CMIP: variants seen among roughly 807,000 people sequenced by gnomAD.
CMIP encodes the protein C-Maf-inducing protein.
In CMIP, 13 loss-of-function variants were observed where a neutral mutation model predicts 97.3. The observed-to-expected ratio is 0.13, with a 90% CI of 0.09 to 0.21. CMIP has a LOEUF of 0.21. Ranked by LOEUF, CMIP falls within the 10% of genes least tolerant of loss-of-function variation. CMIP has a pLI of 1.00. For missense variants in CMIP, 847 were observed against 1,024.9 expected, an observed-to-expected ratio of 0.83 and a Z score of 2.37; for synonymous variants, 538 against 436.3, an observed-to-expected ratio of 1.23 and a Z score of -2.91.
chr16:81,649,787 T>C (rs2092406495), intron 3 of CMIP, among the ~76,000 whole-genome samples: 1 of 147,688 alleles, frequency 6.8e-6, no homozygotes, highest in Non-Finnish European at 1.5e-5. Flanking sequence ...TGTGGTTTGC[T>C]TTGGGGCTTG....
At chr16:81,469,243 C>G (rs977548810) in intron 1 of CMIP, among the ~76,000 whole-genome samples, 4 of 152,194 alleles carry the variant, frequency 2.6e-5, no homozygotes, top group African/African-American at 9.7e-5. Flanking sequence ...AGAATTGTCA[C>G]GTATAGGAAA....
chr16:81,573,742 T>C (rs908319013), intron 1 of CMIP, among the ~76,000 whole-genome samples: 1 of 152,194 alleles, frequency 6.6e-6, no homozygotes, highest in Non-Finnish European at 1.5e-5. Context: ...AAAATGGGCC[T>C]TGTTGTCATT....
chr16:81,476,056 C>A lies in CMIP; in HGVS notation c.300+30515C>A, dbSNP rs901532179. On this transcript the variant is annotated intron_variant, in intron 1 of 20. Transcript: ENST00000537098. Reference sequence around the variant, plus strand: ...GTTGTCCACAGTTAGCAATAGTGATCTTCTTGCTGGTCTTGCCATTCCTGG... The same window carrying A: ...GTTGTCCACAGTTAGCAATAGTGATATTCTTGCTGGTCTTGCCATTCCTGG... 5.6e-6 allele frequency: 4 copies of A among 715,610 alleles called. No homozygotes were observed. In the Admixed American group the frequency reaches 7.0e-5, roughly 13 times the overall value. The allele number at this position is 715,610 out of a possible 1,614,324, so 44.3% of individuals were successfully genotyped here.
At chr16:81,644,442 G>A (rs1392799958) in intron 3 of CMIP, among the ~76,000 whole-genome samples, 2 of 152,210 alleles carry the variant, frequency 1.3e-5, no homozygotes, top group African/African-American at 2.4e-5. Flanking sequence ...GTTATGAGCG[G>A]GTTTTAGGTT....
rs188640233 is a variant in CMIP, at chr16:81,595,580, G to A, written c.301-11987G>A. 2.7e-4 allele frequency among the ~76,000 whole-genome samples: 41 copies of A among 151,998 alleles called. No individual in the cohort carries two copies. The East Asian group carries it at 5.4e-3, about 20-fold the overall frequency. ...ATTTTTGTGTTTTTAGTGGAGGCAC[G>A]GTTTCACCATGTTGGCCAGGCTGGT... is the stretch of plus-strand genomic sequence containing the variant. On this transcript the variant is annotated intron_variant, in intron 1 of 20. Coordinates refer to ENST00000537098, the MANE Select transcript of CMIP (RefSeq NM_198390.3).
chr16:81,707,314 A>C (rs1225508348), intron 20 of CMIP, among the ~76,000 whole-genome samples: 2 of 152,228 alleles, frequency 1.3e-5, no homozygotes, highest in African/African-American at 4.8e-5. Context: ...GGTGCCTTTG[A>C]TGAAGAGGCC....
At chr16:81,601,796 GCACCGT>G (rs2091662468) in intron 1 of CMIP, among the ~76,000 whole-genome samples, 1 of 152,142 alleles carries the variant, frequency 6.6e-6, no homozygotes, top group African/African-American at 2.4e-5. Flanking sequence ...TACCCTCTGG[GCACCGT>G]CACCTTGCGG....
At chr16:81,566,678 T>A (rs1381057627) in intron 1 of CMIP, among the ~76,000 whole-genome samples, 1 of 152,236 alleles carries the variant, frequency 6.6e-6, no homozygotes, top group East Asian at 1.9e-4. Flanking sequence ...TGAGTGCTTC[T>A]GTCTACTAAC....
At chr16:81,628,881 A>T in intron 3 of CMIP, among the ~76,000 whole-genome samples, 1 of 152,132 alleles carries the variant, frequency 6.6e-6, no homozygotes, top group East Asian at 1.9e-4. Flanking sequence ...CATACCTGTA[A>T]TCCCAGCACT....
intron 2 of CMIP, among the ~76,000 whole-genome samples, chr16:81,609,220 C>A (rs1309502322): frequency 7.1e-6 from 1 of 140,920 alleles, no homozygotes; most frequent in East Asian, 2.5e-4. Flanking sequence ...CCTTCCTCTT[C>A]TTTCTTTCTC....
intron 1 of CMIP, among the ~76,000 whole-genome samples, chr16:81,458,995 TGTCACCATCACCGTCACC>T (rs903300414): frequency 6.6e-6 from 1 of 151,808 alleles, no homozygotes; most frequent in Non-Finnish European, 1.5e-5. Context: ...TCACCATCAC[TGTCACCATCACCGTCACC>T]GTCACCATCA....
intron 1 of CMIP, among the ~76,000 whole-genome samples, chr16:81,593,016 C>T (rs1010741773): frequency 6.6e-6 from 1 of 152,264 alleles, no homozygotes; most frequent in Non-Finnish European, 1.5e-5. Flanking sequence ...CATCCCTCTT[C>T]TCATGCCCAC....
intron 1 of CMIP, among the ~76,000 whole-genome samples, chr16:81,448,734 C>G (rs1395357086): frequency 2.0e-5 from 3 of 152,240 alleles, no homozygotes; most frequent in Non-Finnish European, 4.4e-5. Context: ...TGCTCGTAAA[C>G]AAAGGAGGAA....
At chr16:81,674,434 A>G (rs1018048547) in intron 9 of CMIP, among the ~76,000 whole-genome samples, 1 of 151,894 alleles carries the variant, frequency 6.6e-6, no homozygotes, top group African/African-American at 2.4e-5. Flanking sequence ...CCTGGCTTAC[A>G]GTATTTAAGT....
intron 1 of CMIP, among the ~76,000 whole-genome samples, chr16:81,568,146 G>C (rs2530): frequency 0.041 from 6,153 of 150,776 alleles, 184 homozygotes; most frequent in East Asian, 0.12. Context: ...TTGCCTTCTA[G>C]GGCACCTTTG....
intron 1 of CMIP, among the ~76,000 whole-genome samples, chr16:81,606,133 C>G (rs182639250): frequency 6.6e-6 from 1 of 152,224 alleles, no homozygotes; most frequent in African/African-American, 2.4e-5. Context: ...GCCTTTGCCT[C>G]TTTCTTGGAA....
At chr16:81,687,107 C>G (rs560519154) in intron 10 of CMIP, among the ~76,000 whole-genome samples, 1 of 152,334 alleles carries the variant, frequency 6.6e-6, no homozygotes, top group South Asian at 2.1e-4. Flanking sequence ...CAGATGGAGA[C>G]TCAACATCCC....
chr16:81,517,380 G>C (rs1262052552), intron 1 of CMIP, among the ~76,000 whole-genome samples: 1 of 152,242 alleles, frequency 6.6e-6, no homozygotes, highest in Non-Finnish European at 1.5e-5. Flanking sequence ...AAAGAATGAA[G>C]TGAATCTAAA....
intron 1 of CMIP, among the ~76,000 whole-genome samples, chr16:81,544,679 A>G (rs1037463340): frequency 3.3e-5 from 5 of 150,346 alleles, no homozygotes; most frequent in African/African-American, 7.4e-5. Context: ...TGTGTGGTGT[A>G]TGGGTATTTG....
Sources: gnomAD v4.1 joint callset for allele counts (sites outside exome capture counted in the v4.1 genomes callset) on GRCh38, gnomAD v4.1.1 for gene constraint, MANE v1.5 for transcripts, NCBI Gene and HGNC (gene_info 2026-07-23, HGNC 2026-07-21) for gene names.